PAK5: variants seen among roughly 807,000 people sequenced by gnomAD.
PAK5 encodes the protein serine/threonine-protein kinase PAK 5.
PAK5 carries 16 observed loss-of-function variants against 65.9 expected under a neutral mutation model. The ratio of observed to expected loss-of-function variants is 0.24; its 90% CI spans 0.16 to 0.37. PAK5 has a LOEUF of 0.37. Among genes scored for constraint, PAK5 ranks in the 10% least tolerant of loss-of-function variants. The probability of loss-of-function intolerance (pLI) is 1.00; values close to 1 mark genes in which losing one functional copy is unlikely to be tolerated. For missense variants in PAK5, 785 were observed against 903.9 expected, an observed-to-expected ratio of 0.87 and a Z score of 1.69; for synonymous variants, 371 against 354.9, an observed-to-expected ratio of 1.05 and a Z score of -0.51.
At chr20:9,759,614 G>A (rs1415567840) in intron 1 of PAK5, among the ~76,000 whole-genome samples, 2 of 152,260 alleles carry the variant, frequency 1.3e-5, no homozygotes, top group East Asian at 1.9e-4. Context: ...ACTTTGAGTA[G>A]CCCTGCCCTG....
chr20:9,748,291 C>T (rs1310193395), intron 1 of PAK5, among the ~76,000 whole-genome samples: 3 of 152,152 alleles, frequency 2.0e-5, no homozygotes, highest in South Asian at 4.1e-4. Flanking sequence ...AATGCCATCC[C>T]CATCAAGCTA....
chr20:9,612,707 G>A (rs1311835495), intron 3 of PAK5, among the ~76,000 whole-genome samples: 1 of 152,016 alleles, frequency 6.6e-6, no homozygotes, highest in African/African-American at 2.4e-5. Flanking sequence ...TGAGATTTGA[G>A]CAGGTTACAA....
At chr20:9,706,471 CTTTT>C (rs34420250) in intron 2 of PAK5, among the ~76,000 whole-genome samples, 3 of 125,410 alleles carry the variant, frequency 2.4e-5, no homozygotes, top group Non-Finnish European at 3.4e-5. Flanking sequence ...TCTACAAACT[CTTTT>C]TTTTTTTTTT....
At chr20:9,574,196 C>T (rs192437239) in intron 4 of PAK5, among the ~76,000 whole-genome samples, 16 of 152,266 alleles carry the variant, frequency 1.1e-4, no homozygotes, top group Non-Finnish European at 1.6e-4. Flanking sequence ...CCCTATAACT[C>T]GTCTGTCTCT....
intron 2 of PAK5, among the ~76,000 whole-genome samples, chr20:9,666,651 G>A (rs930824413): frequency 6.6e-6 from 1 of 151,986 alleles, no homozygotes; most frequent in Non-Finnish European, 1.5e-5. Context: ...CATAAGCTCA[G>A]ATGAACAAGA....
chr20:9,694,997 T>C (rs1303233677), intron 2 of PAK5, among the ~76,000 whole-genome samples: 1 of 152,056 alleles, frequency 6.6e-6, no homozygotes, highest in African/African-American at 2.4e-5. Context: ...AAGTGCTCAA[T>C]TTACACTCCT....
chr20:9,555,428 T>C (rs1440803730), intron 7 of PAK5, among the ~76,000 whole-genome samples: 1 of 152,240 alleles, frequency 6.6e-6, no homozygotes, highest in Non-Finnish European at 1.5e-5. Flanking sequence ...ATTTTGATAC[T>C]GGATATGATC....
chr20:9,738,778 G>A (rs555252723), intron 1 of PAK5, among the ~76,000 whole-genome samples: 2 of 152,020 alleles, frequency 1.3e-5, no homozygotes, highest in South Asian at 4.2e-4. Context: ...GTATACATAT[G>A]TCAACATGTA....
rs1449562184 is a variant in PAK5, at chr20:9,766,389, T to A, written c.-161-54954A>T. On this transcript the variant is annotated intron_variant, in intron 1 of 9. Coordinates refer to ENST00000353224, the MANE Select transcript of PAK5 (RefSeq NM_177990.4). ...TATATATTCAAGCAGAATATATATGTATATATATATTCAAGCAGAATATAT... is the reference window on the plus strand; with the variant it reads ...TATATATTCAAGCAGAATATATATGAATATATATATTCAAGCAGAATATAT... Among the ~76,000 whole-genome samples, 297 of 55,498 alleles carry A rather than the reference T, an allele frequency of 5.4e-3. 68 individuals carry two copies. The highest frequency in any genetic ancestry group is 0.024 in the African/African-American group (246 of 10,404). 36.4% of individuals were successfully genotyped at this position (55,498 alleles called of 152,430 possible).
At chr20:9,743,623 G>T (rs748821810) in intron 1 of PAK5, among the ~76,000 whole-genome samples, 29 of 152,108 alleles carry the variant, frequency 1.9e-4, no homozygotes, top group Non-Finnish European at 4.1e-4. Context: ...TACTGAGATT[G>T]TGCTTATGAT....
chr20:9,642,778 C>T (rs1353752945), intron 3 of PAK5, among the ~76,000 whole-genome samples: 1 of 152,130 alleles, frequency 6.6e-6, no homozygotes, highest in Non-Finnish European at 1.5e-5. Flanking sequence ...TCCTTTTGTT[C>T]CCAAAGCTTT....
intron 1 of PAK5, among the ~76,000 whole-genome samples, chr20:9,809,303 A>C (rs1444209538): frequency 6.6e-6 from 1 of 151,608 alleles, no homozygotes; most frequent in African/African-American, 2.4e-5. Context: ...TTAGAGAACA[A>C]GTGATACTAC....
intron 1 of PAK5, among the ~76,000 whole-genome samples, chr20:9,713,814 G>A (rs2048108463): frequency 6.6e-6 from 1 of 152,052 alleles, no homozygotes; most frequent in Admixed American, 6.6e-5. Flanking sequence ...AGACCTCACG[G>A]AGGTAGATGG....
At chr20:9,568,511 G>C (rs1008612515) in intron 4 of PAK5, among the ~76,000 whole-genome samples, 6 of 152,172 alleles carry the variant, frequency 3.9e-5, no homozygotes, top group African/African-American at 1.4e-4. Context: ...TCAATGACCT[G>C]TGCCTCCTGA....
In PAK5 at chr20:9,571,880, G is replaced by GGC. The variant is rs1012029011; in HGVS notation, c.991-5497_991-5496insGC. Among the ~76,000 whole-genome samples, 52 of 144,648 alleles carry GGC rather than the reference G, an allele frequency of 3.6e-4. 2 individuals are homozygous for GGC. Among genetic ancestry groups the GGC allele is most frequent in the Admixed American group, 1.6e-3 (23 of 14,502 alleles). 94.9% of individuals were successfully genotyped at this position (144,648 alleles called of 152,430 possible). ...CAGAGATAGGCATGAATGATGGGGGGGGGGGATGTGGTCTTAACAGGGGCG... is the reference window on the plus strand; with the variant it reads ...CAGAGATAGGCATGAATGATGGGGGGGCGGGGGATGTGGTCTTAACAGGGGCG... On this transcript the variant is annotated intron_variant, in intron 4 of 9. Transcript: ENST00000353224.
At chr20:9,647,805 T>C (rs2047152499) in intron 2 of PAK5, among the ~76,000 whole-genome samples, 1 of 152,142 alleles carries the variant, frequency 6.6e-6, no homozygotes, top group South Asian at 2.1e-4. Flanking sequence ...CCTGAAGCAA[T>C]ATTCCTGGGA....
At position 9,539,547 on chromosome 20, in the gene PAK5, T is replaced by A; in HGVS notation, c.2075A>T (p.Gln692Leu). 1 of 1,613,716 alleles carries A rather than the reference T, an allele frequency of 6.2e-7. No individual in the cohort carries two copies. Among genetic ancestry groups the A allele is most frequent in the Non-Finnish European group, 8.5e-7 (1 of 1,179,810 alleles). ...TAAGAATGGATGTCCGAGGAGTTCC[T>A]GGGCTGTTGCTCTCTGAGAGGGCTC... ...VREPSQRATA[Q>L]ELLGHPFLKL... is the part of the protein sequence containing the mutation. Residue 692 changes from glutamine to leucine, a missense_variant, in exon 10 of 10, where the codon CAG becomes CTG. By Grantham distance (113) the Gln-to-Leu change is moderately radical. Transcript: ENST00000353224.
At chr20:9,817,788 A>C (rs1437759549) in intron 1 of PAK5, among the ~76,000 whole-genome samples, 2 of 152,160 alleles carry the variant, frequency 1.3e-5, no homozygotes, top group Non-Finnish European at 2.9e-5. Flanking sequence ...TCTCTTACCC[A>C]TTACATAAAC....
chr20:9,690,722 T>G (rs1011547630), intron 2 of PAK5, among the ~76,000 whole-genome samples: 1 of 150,484 alleles, frequency 6.6e-6, no homozygotes, highest in Non-Finnish European at 1.5e-5. Context: ...CCAGGGGTAG[T>G]CCTCAGCATT....
Sources: gnomAD v4.1 joint callset for allele counts (sites outside exome capture counted in the v4.1 genomes callset) on GRCh38, gnomAD v4.1.1 for gene constraint, MANE v1.5 for transcripts, NCBI Gene and HGNC (gene_info 2026-07-23, HGNC 2026-07-21) for gene names.